DDX25: variants seen among roughly 807,000 people sequenced by gnomAD.
DDX25 encodes the protein ATP-dependent RNA helicase DDX25.
In DDX25, 70 loss-of-function variants were observed where a neutral mutation model predicts 64.6. The ratio of observed to expected loss-of-function variants is 1.08; its 90% CI spans 0.89 to 1.32. DDX25 has a LOEUF of 1.32. Ranked by LOEUF, DDX25 falls within the 40% of genes most tolerant of loss-of-function variation. The pLI is 0.00. For missense variants in DDX25, 587 were observed against 604.4 expected, an observed-to-expected ratio of 0.97 and a Z score of 0.30; for synonymous variants, 211 against 213.3, an observed-to-expected ratio of 0.99 and a Z score of 0.09.
At position 125,922,935 on chromosome 11, in the gene DDX25, T is replaced by A; in HGVS notation, c.*54T>A. On this transcript the variant is annotated 3_prime_UTR_variant, in exon 12 of 12. Transcript: ENST00000263576. ...CCTAGTTTATGTGAGAATGTCTCAG[T>A]GGGTTTTGAAGGTAATTTTTTTATG... is the stretch of plus-strand genomic sequence containing the variant. The A allele has an allele frequency of 6.6e-7, 1 of 1,516,996 alleles. No individual in the cohort carries two copies. Among genetic ancestry groups the A allele is most frequent in the East Asian group, 2.3e-5 (1 of 42,982 alleles). 94.0% of individuals were successfully genotyped at this position (1,516,996 alleles called of 1,614,324 possible).
Position 125,911,253 on chromosome 11 carries a change from T to C in DDX25, c.623-58T>C. 3.3e-6 allele frequency: 5 copies of C among 1,512,870 alleles called. No homozygotes were observed. The South Asian group carries it at 4.0e-5, about 12-fold the overall frequency. The allele number at this position is 1,512,870 out of a possible 1,614,324, so 93.7% of individuals were successfully genotyped here. ...AGCTTTATATTGCACTGCCCTGAAC[T>C]GTGACCTGTTGGAGTTGTTTGCATC... On this transcript the variant is annotated intron_variant, in intron 7 of 11. Coordinates refer to ENST00000263576, the MANE Select transcript of DDX25 (RefSeq NM_013264.5).
intron 6 of DDX25, among the ~76,000 whole-genome samples, chr11:125,909,198 G>C (rs1055120132): frequency 6.6e-6 from 1 of 152,184 alleles, no homozygotes; most frequent in Non-Finnish European, 1.5e-5. Context: ...ATTAAGTGCT[G>C]TGGGGAATAC....
intron 8 of DDX25, 64 bp downstream of exon 8, chr11:125,911,552 A>C: frequency 6.8e-7 from 1 of 1,476,366 alleles, no homozygotes; most frequent in Non-Finnish European, 9.2e-7. Flanking sequence ...TCATTTGTTT[A>C]CTCCTCCACA....
intron 3 of DDX25, 73 bp downstream of exon 3, chr11:125,905,670 A>C: frequency 4.2e-6 from 6 of 1,421,516 alleles, no homozygotes; most frequent in Non-Finnish European, 5.8e-6. Context: ...GTGTGAGTGA[A>C]TAATATAATC....
At position 125,921,209 on chromosome 11, in the gene DDX25, T is replaced by A; in HGVS notation, c.1220T>A (p.Val407Asp). ...CTTCTAGGGATTGATGTGAAGCAGG[T>A]CACAATTGTTGTGAACTTTGATCTC... The part of the protein sequence containing the change: ...VCARGIDVKQ[V>D]TIVVNFDLPV... The change falls in exon 11 of 12, where the codon GTC becomes GAC. Residue 407 changes from valine to aspartate, a missense_variant. Physicochemically the swap from Val to Asp is radical, Grantham distance 152 (BLOSUM62 -3). Transcript: ENST00000263576. This position sits in a 1 kb window ranked among gnomAD's most constrained non-coding sequence, Gnocchi z 4.1. 6.2e-7 allele frequency: 1 copy of A among 1,611,210 alleles called. No individual in the cohort carries two copies. The highest frequency in any genetic ancestry group is 1.9e-4 in the Middle Eastern group (1 of 5,404).
At chr11:125,920,139 G>C (rs560191305) in intron 10 of DDX25, among the ~76,000 whole-genome samples, 3 of 152,240 alleles carry the variant, frequency 2.0e-5, no homozygotes, top group East Asian at 3.9e-4. Flanking sequence ...CCTTCAATCT[G>C]AAAGGGGTTT....
At chr11:125,904,301 CT>C (rs1944841421), upstream of DDX25, 8 of 376,458 alleles carry the variant, frequency 2.1e-5, no homozygotes, top group Non-Finnish European at 3.7e-5. Flanking sequence ...GCTCTCTGCC[CT>C]CCGCCCCGCT....
Position 125,911,389 on chromosome 11 carries a change from AATTG to A in DDX25, c.709_712del (p.Asp237Ter). On this transcript the variant is annotated frameshift_variant, in exon 8 of 12. Coordinates refer to ENST00000263576, the MANE Select transcript of DDX25 (RefSeq NM_013264.5). LOFTEE classifies it high-confidence loss of function. Reference sequence around the variant, plus strand: ...GTCCTAGATTGGTGTTTTAAACTAAAATTGATTGATTTGACTAAGATTCGTGTGT... The same window carrying A: ...GTCCTAGATTGGTGTTTTAAACTAAAATTGATTTGACTAAGATTCGTGTGT... The A allele has an allele frequency of 6.2e-7, 1 of 1,613,882 alleles. No individual in the cohort carries two copies. Among genetic ancestry groups the A allele is most frequent in the Non-Finnish European group, 8.5e-7 (1 of 1,179,848 alleles).
Position 125,917,924 on chromosome 11 carries a change from G to C in DDX25, c.1038+673G>C, listed in dbSNP as rs59181836. On this transcript the variant is annotated intron_variant, in intron 9 of 11. Transcript: ENST00000263576. Reference sequence around the variant, plus strand: ...GACAGAGTCTCGCTCTGTTGCCCAGGCTGGAGTGCAATGGCATGATCTCAG... The same window carrying C: ...GACAGAGTCTCGCTCTGTTGCCCAGCCTGGAGTGCAATGGCATGATCTCAG... Among the ~76,000 whole-genome samples the C allele has an allele frequency of 1.4e-3, 209 of 152,208 alleles. 1 individual carries two copies. Among genetic ancestry groups the C allele is most frequent in the African/African-American group, 4.8e-3 (198 of 41,528 alleles).
Position 125,905,254 on chromosome 11 carries a change from A to G in DDX25, c.106A>G (p.Lys36Glu). ...SQPRKNLWGI[K>E]STAVRNIDGS... is the part of the protein sequence containing the mutation. ...ACCCCGGAAGAACCTTTGGGGTATT[A>G]AGAGTACTGCAGTCCGAAACATAGG... Residue 36 changes from lysine to glutamate, a missense_variant, in exon 2 of 12, where the codon AAG (lysine) becomes GAG (glutamate). Coordinates refer to ENST00000263576, the MANE Select transcript of DDX25 (RefSeq NM_013264.5). 6.4e-7 allele frequency: 1 copy of G among 1,551,686 alleles called. No homozygotes were observed. The highest frequency in any genetic ancestry group is 1.4e-5 in the African/African-American group (1 of 73,164).
chr11:125,918,501 G>A, intron 9 of DDX25, 127 bp from the exon 10 acceptor site: 2 of 1,252,716 alleles, frequency 1.6e-6, no homozygotes, highest in South Asian at 3.3e-5. Context: ...AGGACTGAGG[G>A]AGAGGTGAAG....
intron 4 of DDX25, among the ~76,000 whole-genome samples, chr11:125,907,479 G>A (rs1394205867): frequency 2.0e-5 from 3 of 151,954 alleles, no homozygotes; most frequent in Non-Finnish European, 4.4e-5. Flanking sequence ...GTGGTGGCGG[G>A]CGCCTGTAGT....
At position 125,917,088 on chromosome 11, in the gene DDX25, G is replaced by T; in HGVS notation, c.875G>T (p.Arg292Leu). 1.2e-6 allele frequency: 2 copies of T among 1,610,454 alleles called. No homozygotes were observed. The highest frequency in any genetic ancestry group is 1.7e-6 in the Non-Finnish European group (2 of 1,178,696). The part of the protein sequence containing the change: ...FEDSVWHFAE[R>L]IIPDPNVIKL... ...GACTCTGTGTGGCACTTTGCTGAGCGAATCATCCCTGACCCTAATGTTATC... is the reference window on the plus strand; with the variant it reads ...GACTCTGTGTGGCACTTTGCTGAGCTAATCATCCCTGACCCTAATGTTATC... Residue 292 changes from arginine to leucine, a missense_variant, in exon 9 of 12, where the codon CGA becomes CTA. By Grantham distance (102) the Arg-to-Leu change is moderately radical. Transcript: ENST00000263576.
upstream of DDX25, chr11:125,904,302 T>TCCGCCCCGCTCTCTGCCCC (rs1565460849): frequency 6.8e-5 from 7 of 103,512 alleles, no homozygotes; most frequent in Middle Eastern, 2.2e-3. Flanking sequence ...CTCTCTGCCC[T>TCCGCCCCGCTCTCTGCCCC]CCGCCCCGCT....
At chr11:125,920,039 A>G (rs981780774) in intron 10 of DDX25, among the ~76,000 whole-genome samples, 2 of 152,164 alleles carry the variant, frequency 1.3e-5, no homozygotes, top group African/African-American at 4.8e-5. Flanking sequence ...GCACAGTACA[A>G]GGAGTGCAAG....
intron 3 of DDX25, 96 bp downstream of exon 3, chr11:125,905,693 G>C (rs1591513965): frequency 1.6e-6 from 2 of 1,281,244 alleles, no homozygotes; most frequent in East Asian, 5.1e-5. Context: ...AATTGGAAAA[G>C]GCCTGTCTTT....
chr11:125,911,861 A>C (rs1035923722), intron 8 of DDX25, among the ~76,000 whole-genome samples: 2 of 152,232 alleles, frequency 1.3e-5, no homozygotes, highest in Non-Finnish European at 2.9e-5. Flanking sequence ...GGACACAGTA[A>C]TGTGGGATCA....
Position 125,928,142 on chromosome 11 carries a change from A to G in DDX25, c.*5261A>G, listed in dbSNP as rs1365478636. On this transcript the variant is annotated 3_prime_UTR_variant, in exon 12 of 12. Coordinates refer to ENST00000263576, the MANE Select transcript of DDX25 (RefSeq NM_013264.5). ...CATATTATAAAAGCAATGAAACAGC[A>G]AAGTAGAGCAAAATATCAACAATCC... The G allele has an allele frequency of 6.6e-6, 1 of 152,236 alleles. No homozygotes were observed. The highest frequency in any genetic ancestry group is 1.5e-5 in the Non-Finnish European group (1 of 68,036). The allele number at this position is 152,236 out of a possible 1,614,324, so 9.4% of individuals were successfully genotyped here. A position where few individuals can be genotyped will look rare whatever the true frequency, so the allele number is the denominator to read the frequency against.
rs1028065859 is a variant in DDX25, at chr11:125,917,655, C to T, written c.1038+404C>T. 4.6e-5 allele frequency among the ~76,000 whole-genome samples: 7 copies of T among 152,094 alleles called. No homozygotes were observed. The South Asian group carries it at 6.2e-4, about 13-fold the overall frequency. ...CATCTGTTTTATTTTCTCACTACCC[C>T]GTAAACACTTTAAGCTTCACGACAG... On this transcript the variant is annotated intron_variant, in intron 9 of 11. Coordinates refer to ENST00000263576, the MANE Select transcript of DDX25 (RefSeq NM_013264.5).
Sources: gnomAD v4.1 joint callset for allele counts (sites outside exome capture counted in the v4.1 genomes callset) on GRCh38, gnomAD v4.1.1 for gene constraint, Gnocchi (gnomAD v3.1) non-coding constraint, MANE v1.5 for transcripts, NCBI Gene and HGNC (gene_info 2026-07-23, HGNC 2026-07-21) for gene names.